SMAD2: variants seen among roughly 807,000 people sequenced by gnomAD.
SMAD2 encodes MAD homolog 2.
Under a neutral mutation model 64.4 loss-of-function variants are expected in SMAD2, and 8 were observed. The ratio of observed to expected loss-of-function variants is 0.12; its 90% CI spans 0.07 to 0.22. SMAD2 has a LOEUF of 0.22. Ranked by LOEUF, SMAD2 falls within the 10% of genes least tolerant of loss-of-function variation. The pLI is 1.00. For missense variants in SMAD2, 289 were observed against 561.2 expected, an observed-to-expected ratio of 0.51 and a Z score of 4.90; for synonymous variants, 203 against 195.8, an observed-to-expected ratio of 1.04 and a Z score of -0.31.
chr18:47,924,202 C>A (rs531606600), intron 1 of SMAD2, among the ~76,000 whole-genome samples: 1 of 147,256 alleles, frequency 6.8e-6, no homozygotes, highest in Non-Finnish European at 1.5e-5. Flanking sequence ...GAGCCAAGAT[C>A]GCACCACTGC....
rs999452386 is a variant in SMAD2, at chr18:47,821,815, T to C, written c.*20012A>G. On this transcript the variant is annotated 3_prime_UTR_variant, in exon 11 of 11. Coordinates refer to ENST00000262160, the MANE Select transcript of SMAD2 (RefSeq NM_005901.6). ...TGAAAAGATGGTTTTTAAATGTATG[T>C]AACTTTCTGCATTGCTTCTTAAGTC... The C allele has an allele frequency of 3.3e-5, 5 of 152,220 alleles. No homozygotes were observed. The highest frequency in any genetic ancestry group is 1.2e-4 in the African/African-American group (5 of 41,454). The allele number at this position is 152,220 out of a possible 1,614,324, so 9.4% of individuals were successfully genotyped here.
chr18:47,890,079 G>A (rs1194090055), intron 2 of SMAD2, among the ~76,000 whole-genome samples: 1 of 152,114 alleles, frequency 6.6e-6, no homozygotes, highest in Non-Finnish European at 1.5e-5. Flanking sequence ...ATACACAAGG[G>A]ACTTTGAATA....
chr18:47,868,214 A>T, intron 5 of SMAD2, 109 bp downstream of exon 5: 1 of 940,306 alleles, frequency 1.1e-6, no homozygotes, highest in Non-Finnish European at 1.7e-6. Context: ...TCTATTAAAA[A>T]CTCAAAAGCA....
At chr18:47,928,283 A>G (rs1345007766) in intron 1 of SMAD2, among the ~76,000 whole-genome samples, 3 of 152,234 alleles carry the variant, frequency 2.0e-5, no homozygotes, top group South Asian at 2.1e-4. Context: ...AAGAACAAGG[A>G]AAGACTTTTA....
chr18:47,833,244 TGACCAGAAATCACAG>T lies in SMAD2; in HGVS notation c.*8568_*8582del, dbSNP rs1394063891. Reference sequence around the variant, plus strand: ...GATGCACACAAATATATATAAAAATTGACCAGAAATCACAGGACATGTAAGCAATGTTTTCTTAAG... The same window carrying T: ...GATGCACACAAATATATATAAAAATTGACATGTAAGCAATGTTTTCTTAAG... On this transcript the variant is annotated 3_prime_UTR_variant, in exon 11 of 11. Transcript: ENST00000262160. 1 of 212,026 alleles carries T rather than the reference TGACCAGAAATCACAG, an allele frequency of 4.7e-6. No individual in the cohort carries two copies. Among genetic ancestry groups the T allele is most frequent in the African/African-American group, 2.3e-5 (1 of 44,114 alleles). 13.1% of individuals were successfully genotyped at this position (212,026 alleles called of 1,614,324 possible).
chr18:47,926,302 C>T (rs1431154453), intron 1 of SMAD2, among the ~76,000 whole-genome samples: 3 of 152,170 alleles, frequency 2.0e-5, no homozygotes, highest in Non-Finnish European at 4.4e-5. Context: ...GATTATTGCA[C>T]TCTTAAAAAG....
Position 47,838,912 on chromosome 18 carries a change from T to G in SMAD2, c.*2915A>C, listed in dbSNP as rs1913681649. ...AGAAAATTAACAGTATTGTGAAGAA[T>G]AAATCCTAAGTAATGTTGCTAATTT... On this transcript the variant is annotated 3_prime_UTR_variant, in exon 11 of 11. Transcript: ENST00000262160. 1 of 232,874 alleles carries G rather than the reference T, an allele frequency of 4.3e-6. No individual in the cohort carries two copies. Among genetic ancestry groups the G allele is most frequent in the East Asian group, 6.0e-5 (1 of 16,654 alleles). 14.4% of individuals were successfully genotyped at this position (232,874 alleles called of 1,614,324 possible).
intron 7 of SMAD2, among the ~76,000 whole-genome samples, chr18:47,850,603 G>T (rs1326677345): frequency 2.5e-5 from 1 of 40,448 alleles, no homozygotes; most frequent in Non-Finnish European, 3.8e-5. Flanking sequence ...TATATATTAT[G>T]TATAATATAT....
At chr18:47,853,763 AAT>A in intron 6 of SMAD2, among the ~76,000 whole-genome samples, 1 of 151,704 alleles carries the variant, frequency 6.6e-6, no homozygotes, top group African/African-American at 2.4e-5. Flanking sequence ...GCAAGTCACA[AAT>A]CTGCTGGCAA....
At chr18:47,850,169 C>G (rs1301438410) in intron 7 of SMAD2, among the ~76,000 whole-genome samples, 1 of 106,246 alleles carries the variant, frequency 9.4e-6, no homozygotes, top group African/African-American at 3.8e-5. Flanking sequence ...CATATATGTG[C>G]ACACTCTCAT....
chr18:47,927,840 G>C (rs935325141), intron 1 of SMAD2, among the ~76,000 whole-genome samples: 1 of 152,086 alleles, frequency 6.6e-6, no homozygotes, highest in Non-Finnish European at 1.5e-5. Context: ...CGGAGGTTGC[G>C]GTGAGCCGAG....
chr18:47,914,609 C>CT (rs938099411), intron 1 of SMAD2, among the ~76,000 whole-genome samples: 3 of 152,178 alleles, frequency 2.0e-5, no homozygotes, highest in African/African-American at 7.2e-5. Flanking sequence ...TAAGGACAGC[C>CT]TGTGTATTAA....
intron 1 of SMAD2, among the ~76,000 whole-genome samples, chr18:47,912,783 T>C (rs1413071663): frequency 1.3e-5 from 2 of 150,502 alleles, no homozygotes; most frequent in East Asian, 2.0e-4. Flanking sequence ...AGTATCTGTA[T>C]CTTTGGTTCA....
chr18:47,835,021 T>C lies in SMAD2; in HGVS notation c.*6806A>G, dbSNP rs1913284975. On this transcript the variant is annotated 3_prime_UTR_variant, in exon 11 of 11. Coordinates refer to ENST00000262160, the MANE Select transcript of SMAD2 (RefSeq NM_005901.6). ...AAAGGAATATTCTCAGATATGAACA[T>C]TTTTTATTCTGCCTACAATGCTGTG... is the stretch of plus-strand genomic sequence containing the variant. The C allele has an allele frequency of 4.5e-6, 1 of 220,976 alleles. No homozygotes were observed. Among genetic ancestry groups the C allele is most frequent in the Non-Finnish European group, 9.1e-6 (1 of 110,356 alleles). 13.7% of individuals were successfully genotyped at this position (220,976 alleles called of 1,614,324 possible). A position where few individuals can be genotyped will look rare whatever the true frequency, so the allele number is the denominator to read the frequency against.
intron 1 of SMAD2, 36 bp from the exon 2 acceptor site, chr18:47,896,845 C>T: frequency 6.6e-7 from 1 of 1,519,890 alleles, no homozygotes; most frequent in Non-Finnish European, 8.9e-7. Flanking sequence ...GTAGAGACTA[C>T]CTTGAACATC....
At position 47,836,676 on chromosome 18, in the gene SMAD2, CTATA is replaced by C. The variant is rs1157973243; in HGVS notation, c.*5147_*5150del. 2.3e-5 allele frequency: 5 copies of C among 216,862 alleles called. No homozygotes were observed. Among genetic ancestry groups the C allele is most frequent in the Non-Finnish European group, 4.6e-5 (5 of 107,970 alleles). 13.4% of individuals were successfully genotyped at this position (216,862 alleles called of 1,614,324 possible). A position where few individuals can be genotyped will look rare whatever the true frequency, so the allele number is the denominator to read the frequency against. On this transcript the variant is annotated 3_prime_UTR_variant, in exon 11 of 11. Transcript: ENST00000262160. ...TCTTAAAAAGACTGAGGCAGTTCTG[CTATA>C]TATAGTTAGCTACAATATTCAAGAT... is the stretch of plus-strand genomic sequence containing the variant.
intron 2 of SMAD2, among the ~76,000 whole-genome samples, chr18:47,889,652 T>C (rs1417354514): frequency 9.9e-5 from 15 of 151,752 alleles, no homozygotes; most frequent in Admixed American, 9.8e-4. Flanking sequence ...GCGCCTGTAG[T>C]CCCAGCTACT....
chr18:47,849,810 C>A (rs1011319444), intron 7 of SMAD2, among the ~76,000 whole-genome samples: 2 of 151,880 alleles, frequency 1.3e-5, no homozygotes, highest in African/African-American at 4.8e-5. Context: ...GAGTTTGAGA[C>A]CAGCCTGGGC....
intron 6 of SMAD2, among the ~76,000 whole-genome samples, chr18:47,852,261 G>C (rs925493016): frequency 2.6e-5 from 4 of 152,006 alleles, no homozygotes; most frequent in African/African-American, 9.7e-5. Context: ...TCCTAATTTT[G>C]ATCATGTAGC....
Sources: allele counts gnomAD v4.1 joint callset (sites outside exome capture counted in the v4.1 genomes callset), GRCh38; gene constraint gnomAD v4.1.1; transcripts MANE v1.5; gene names NCBI Gene and HGNC (gene_info 2026-07-23, HGNC 2026-07-21).